The following CADM2 variants were observed in gnomAD, a reference collection of about 807,000 sequenced individuals.
The protein encoded by CADM2 is immunoglobulin superfamily member 4D.
CADM2 carries 12 observed loss-of-function variants against 49.8 expected under a neutral mutation model. That is an observed-to-expected ratio of 0.24 (90% CI 0.15 to 0.39). CADM2 has a LOEUF of 0.39. Ranked by LOEUF, CADM2 falls within the 10% of genes least tolerant of loss-of-function variation. CADM2 has a pLI of 1.00. For synonymous variants in CADM2, 214 were observed against 175.4 expected, an observed-to-expected ratio of 1.22 and a Z score of -1.74; for missense variants, 378 against 492.3, an observed-to-expected ratio of 0.77 and a Z score of 2.20.
rs141135326 is a variant in CADM2, at chr3:85,284,658, C to G, written c.61+324990C>G. On this transcript the variant is annotated intron_variant, in intron 1 of 9. Coordinates refer to ENST00000383699, the MANE Select transcript of CADM2 (RefSeq NM_001167675.2). ...TAACTTGAGACAGGATTCTGCCTGC[C>G]TGCCTATGCATGGGAGGTCAATAGT... is the stretch of plus-strand genomic sequence containing the variant. 1.7e-3 allele frequency among the ~76,000 whole-genome samples: 252 copies of G among 152,134 alleles called. 3 individuals carry two copies. In the East Asian group the frequency reaches 0.042, roughly 25 times the overall value.
At chr3:86,042,419 T>A (rs572332545) in intron 8 of CADM2, among the ~76,000 whole-genome samples, 3 of 152,200 alleles carry the variant, frequency 2.0e-5, no homozygotes, top group African/African-American at 7.2e-5. Flanking sequence ...CCCACAGAAA[T>A]ACAAACTACC....
chr3:85,125,640 G>A (rs2107599916), intron 1 of CADM2, among the ~76,000 whole-genome samples: 1 of 152,284 alleles, frequency 6.6e-6, no homozygotes, highest in African/African-American at 2.4e-5. Context: ...TGGGATTGCA[G>A]GTTTGAACCA....
chr3:85,290,357 G>T (rs946496694), intron 1 of CADM2, among the ~76,000 whole-genome samples: 6 of 152,186 alleles, frequency 3.9e-5, no homozygotes, highest in African/African-American at 9.6e-5. Context: ...CAGCAAGGCT[G>T]GGGGAGGGGC....
At chr3:85,757,135 T>C (rs879595145) in intron 2 of CADM2, among the ~76,000 whole-genome samples, 1 of 152,106 alleles carries the variant, frequency 6.6e-6, no homozygotes, top group Non-Finnish European at 1.5e-5. Flanking sequence ...AAGGAATGTT[T>C]TAACTAATGA....
At chr3:85,860,978 G>T (rs1162010733) in intron 3 of CADM2, among the ~76,000 whole-genome samples, 1 of 152,184 alleles carries the variant, frequency 6.6e-6, no homozygotes, top group Non-Finnish European at 1.5e-5. Context: ...GAGCTAGGGG[G>T]ACAGCAGTGT....
chr3:85,554,119 T>G (rs2061887476), intron 1 of CADM2, among the ~76,000 whole-genome samples: 1 of 147,224 alleles, frequency 6.8e-6, no homozygotes, highest in African/African-American at 2.5e-5. Context: ...TAGTCAGGGT[T>G]AGTGGGTGAA....
rs181887905 is a variant in CADM2, at chr3:86,008,298, C to T, written c.970+46651C>T. 2.5e-3 allele frequency among the ~76,000 whole-genome samples: 379 copies of T among 152,154 alleles called. 1 individual carries two copies. The highest frequency in any genetic ancestry group is 8.8e-3 in the African/African-American group (367 of 41,536). Reference sequence around the variant, plus strand: ...AAAATACACTGGCTGCTGTCTTTAGCAGTTACATAACCAAACAAAAGAAAA... The same window carrying T: ...AAAATACACTGGCTGCTGTCTTTAGTAGTTACATAACCAAACAAAAGAAAA... On this transcript the variant is annotated intron_variant, in intron 8 of 9. Coordinates refer to ENST00000383699, the MANE Select transcript of CADM2 (RefSeq NM_001167675.2).
intron 1 of CADM2, among the ~76,000 whole-genome samples, chr3:85,407,622 A>C (rs1432021340): frequency 6.6e-6 from 1 of 152,168 alleles, no homozygotes; most frequent in Non-Finnish European, 1.5e-5. Context: ...ATGATGTTTA[A>C]GTAGTTTCTA....
intron 1 of CADM2, among the ~76,000 whole-genome samples, chr3:85,121,003 C>T (rs1287143581): frequency 1.3e-5 from 2 of 152,060 alleles, no homozygotes; most frequent in African/African-American, 4.8e-5. Context: ...AAGTCATCAC[C>T]TAGAATCCAG....
intron 1 of CADM2, among the ~76,000 whole-genome samples, chr3:85,584,776 A>G (rs1307188171): frequency 6.6e-6 from 1 of 152,012 alleles, no homozygotes; most frequent in African/African-American, 2.4e-5. Flanking sequence ...GAAAGTTACA[A>G]CTCAAGACAG....
In CADM2 at chr3:85,379,756, T is replaced by C. The variant is rs148270919; in HGVS notation, c.62-346766T>C. On this transcript the variant is annotated intron_variant, in intron 1 of 9. Coordinates refer to ENST00000383699, the MANE Select transcript of CADM2 (RefSeq NM_001167675.2). ...TGTTTCCTTTTTTCATCAACAAAAA[T>C]ACATTTTATTCAAGTTGTTACATTT... Among the ~76,000 whole-genome samples the C allele has an allele frequency of 3.7e-4, 56 of 152,140 alleles. No homozygotes were observed. In the East Asian group the frequency reaches 8.9e-3, roughly 24 times the overall value.
At chr3:85,909,322 G>C (rs1386353782) in intron 5 of CADM2, among the ~76,000 whole-genome samples, 3 of 151,478 alleles carry the variant, frequency 2.0e-5, no homozygotes, top group African/African-American at 7.3e-5. Flanking sequence ...TTTCTTGTTT[G>C]TTCTCAAGGT....
At chr3:85,085,804 C>T (rs778287615) in intron 1 of CADM2, among the ~76,000 whole-genome samples, 17 of 152,214 alleles carry the variant, frequency 1.1e-4, no homozygotes, top group African/African-American at 2.2e-4. Flanking sequence ...CAATTAATTC[C>T]GCAAACTATA....
rs148513416 is a variant in CADM2 at position 84,974,936 on chromosome 3, G to T, written c.61+15268G>T. On this transcript the variant is annotated intron_variant, in intron 1 of 9. Coordinates refer to ENST00000383699, the MANE Select transcript of CADM2 (RefSeq NM_001167675.2). ...AATGATAACATTTTTGTACAGTTTG[G>T]GTTGATTTAGTGTAAAATGCTGCAA... Among the ~76,000 whole-genome samples the T allele has an allele frequency of 8.6e-3, 1,300 of 151,668 alleles. 14 individuals carry two copies. The highest frequency in any genetic ancestry group is 0.038 in the Middle Eastern group (11 of 292).
At position 85,042,564 on chromosome 3, in the gene CADM2, A is replaced by G. The variant is rs781775798; in HGVS notation, c.61+82896A>G. ...ACTAAGACTTTTTTGACCGGGTTTC[A>G]TTTCTTTTCCATGTCTATCATTTGC... On this transcript the variant is annotated intron_variant, in intron 1 of 9. Coordinates refer to ENST00000383699, the MANE Select transcript of CADM2 (RefSeq NM_001167675.2). 1.8e-4 allele frequency among the ~76,000 whole-genome samples: 28 copies of G among 151,864 alleles called. 1 individual carries two copies. The highest frequency in any genetic ancestry group is 4.1e-4 in the Non-Finnish European group (28 of 67,964).
At chr3:85,864,794 G>A (rs1438793445) in intron 3 of CADM2, among the ~76,000 whole-genome samples, 1 of 152,084 alleles carries the variant, frequency 6.6e-6, no homozygotes, top group Non-Finnish European at 1.5e-5. Context: ...GATTATTTAT[G>A]TAACTGATAC....
At chr3:85,543,486 G>C (rs1189749097) in intron 1 of CADM2, among the ~76,000 whole-genome samples, 1 of 142,178 alleles carries the variant, frequency 7.0e-6, no homozygotes, top group Non-Finnish European at 1.6e-5. Context: ...GTTTTACCAT[G>C]TTGGTTAGGC....
intron 1 of CADM2, among the ~76,000 whole-genome samples, chr3:85,032,727 G>A (rs1027472802): frequency 2.0e-5 from 3 of 151,878 alleles, no homozygotes; most frequent in African/African-American, 7.3e-5. Flanking sequence ...TGACTTTTAG[G>A]AATAGTTTTT....
At chr3:85,067,284 T>A (rs1201393123) in intron 1 of CADM2, among the ~76,000 whole-genome samples, 1 of 152,028 alleles carries the variant, frequency 6.6e-6, no homozygotes, top group Non-Finnish European at 1.5e-5. Flanking sequence ...TTAAACTGTG[T>A]GTGTGTGTGT....
Sources: allele counts gnomAD v4.1 joint callset (sites outside exome capture counted in the v4.1 genomes callset), GRCh38; gene constraint gnomAD v4.1.1; transcripts MANE v1.5; gene names NCBI Gene and HGNC (gene_info 2026-07-23, HGNC 2026-07-21).